Variants in GNA12 observed in about 807,000 individuals in gnomAD.
GNA12 encodes the protein guanine nucleotide-binding protein subunit alpha-12.
Under a neutral mutation model 26.0 loss-of-function variants are expected in GNA12, and 9 were observed. The observed-to-expected ratio is 0.35, with a 90% CI of 0.21 to 0.60. The LOEUF (loss-of-function observed/expected upper bound fraction) is 0.60. Ranked by LOEUF, GNA12 falls within the 20% of genes least tolerant of loss-of-function variation. The pLI is 0.78. For missense variants in GNA12, 405 were observed against 525.8 expected, an observed-to-expected ratio of 0.77 and a Z score of 2.25; for synonymous variants, 264 against 219.6, an observed-to-expected ratio of 1.20 and a Z score of -1.79.
chr7:2,795,128 C>G lies in GNA12; in HGVS notation c.325G>C (p.Val109Leu). The change falls in exon 2 of 4, where the codon GTT becomes CTT. Residue 109 changes from valine to leucine, a missense_variant. Val to Leu is a conservative substitution (Grantham distance 32). Transcript: ENST00000275364. ...ATGCCAAGCTTATCTCGTGCATCAA[C>G]AAGAACCCTTGAGCCCTAGAAAATA... ...DNILKGSRVL[V>L]DARDKLGIPW... is the part of the protein sequence containing the mutation. The G allele has an allele frequency of 3.7e-6, 6 of 1,612,534 alleles. No individual in the cohort carries two copies. Among genetic ancestry groups the G allele is most frequent in the Non-Finnish European group, 5.1e-6 (6 of 1,178,690 alleles).
intron 1 of GNA12, among the ~76,000 whole-genome samples, chr7:2,832,011 C>T (rs539382794): frequency 6.6e-6 from 1 of 152,294 alleles, no homozygotes; most frequent in East Asian, 1.9e-4. Context: ...TAATTTGCAT[C>T]CCGTGGAGTT....
intron 1 of GNA12, among the ~76,000 whole-genome samples, chr7:2,796,589 A>C (rs1044478784): frequency 2.6e-5 from 4 of 152,232 alleles, no homozygotes; most frequent in Admixed American, 6.5e-5. Context: ...ACAGGAAAAG[A>C]CTAAAATACG....
chr7:2,825,390 G>C (rs911208084), intron 1 of GNA12, among the ~76,000 whole-genome samples: 2 of 152,162 alleles, frequency 1.3e-5, no homozygotes, highest in African/African-American at 2.4e-5. Context: ...GCAGGAGAGA[G>C]GGCGGGAAGG....
chr7:2,784,787 T>C (rs7781994), intron 2 of GNA12, among the ~76,000 whole-genome samples: 3,307 of 152,330 alleles, frequency 0.022, 146 homozygotes, highest in African/African-American at 0.076. Flanking sequence ...ACCTTTGTTA[T>C]AGGTTGCAAT....
At chr7:2,755,690 A>G (rs1187836508) in intron 2 of GNA12, among the ~76,000 whole-genome samples, 7 of 152,230 alleles carry the variant, frequency 4.6e-5, no homozygotes, top group Admixed American at 3.9e-4. Flanking sequence ...AGGAACAGTC[A>G]TATTTCTTTT....
At chr7:2,763,217 CACACACACACACA>C in intron 2 of GNA12, 1 of 435,364 alleles carries the variant, frequency 2.3e-6, no homozygotes, top group Non-Finnish European at 3.3e-6. Flanking sequence ...CACACACACA[CACACACACACACA>C]CGGTCTCAAC....
chr7:2,747,866 A>T (rs1003763755), intron 2 of GNA12, among the ~76,000 whole-genome samples: 1 of 152,204 alleles, frequency 6.6e-6, no homozygotes, highest in Non-Finnish European at 1.5e-5. Context: ...TTATACACCA[A>T]TAACAGACAA....
intron 1 of GNA12, among the ~76,000 whole-genome samples, chr7:2,837,398 G>C (rs762840308): frequency 1.3e-5 from 2 of 152,138 alleles, no homozygotes. Context: ...AGAAGGAGAT[G>C]AGAGAGAGGG....
chr7:2,791,151 A>G (rs1792507795), intron 2 of GNA12, among the ~76,000 whole-genome samples: 1 of 152,244 alleles, frequency 6.6e-6, no homozygotes, highest in African/African-American at 2.4e-5. Context: ...GACAGACAAG[A>G]AGATAATATT....
At chr7:2,810,077 A>G (rs952980294) in intron 1 of GNA12, among the ~76,000 whole-genome samples, 8 of 152,236 alleles carry the variant, frequency 5.3e-5, no homozygotes, top group African/African-American at 1.9e-4. Flanking sequence ...TCGCTTAAGA[A>G]GTACGCAGCT....
rs1331258810 is a variant in GNA12 at position 2,728,223 on chromosome 7, GAAC to G, written c.*2955_*2957del. On this transcript the variant is annotated 3_prime_UTR_variant, in exon 4 of 4. Transcript: ENST00000275364. ...ATACACTGTGCAAAGCTTACACCAT[GAAC>G]AACTGACCCGGACCACTACCATTCC... 1.3e-5 allele frequency: 2 copies of G among 152,278 alleles called. No individual in the cohort carries two copies. Among genetic ancestry groups the G allele is most frequent in the Admixed American group, 6.5e-5 (1 of 15,278 alleles). The allele number at this position is 152,278 out of a possible 1,614,324, so 9.4% of individuals were successfully genotyped here.
chr7:2,818,834 C>T (rs1285187818), intron 1 of GNA12, among the ~76,000 whole-genome samples: 3 of 148,764 alleles, frequency 2.0e-5, no homozygotes, highest in South Asian at 2.2e-4. Context: ...CCACAGGTTT[C>T]GCTTGCCGTT....
At chr7:2,755,557 G>C (rs1474411116) in intron 2 of GNA12, among the ~76,000 whole-genome samples, 1 of 152,182 alleles carries the variant, frequency 6.6e-6, no homozygotes, top group Non-Finnish European at 1.5e-5. Flanking sequence ...GTCATTGTTA[G>C]TCTATAGAAG....
At chr7:2,773,988 C>T (rs1490676091) in intron 2 of GNA12, among the ~76,000 whole-genome samples, 4 of 152,138 alleles carry the variant, frequency 2.6e-5, no homozygotes, top group African/African-American at 7.2e-5. Context: ...GAAATGGCGA[C>T]GAGAAGGAGC....
chr7:2,774,499 G>A (rs1386190145), intron 2 of GNA12, among the ~76,000 whole-genome samples: 1 of 152,192 alleles, frequency 6.6e-6, no homozygotes, highest in African/African-American at 2.4e-5. Context: ...GAGGCCCTGA[G>A]TGTGCAGGGA....
intron 2 of GNA12, among the ~76,000 whole-genome samples, chr7:2,788,895 A>T (rs1202443029): frequency 6.6e-6 from 1 of 151,842 alleles, no homozygotes; most frequent in African/African-American, 2.4e-5. Flanking sequence ...ATCTCTGCTC[A>T]CTGCAACCTC....
intron 2 of GNA12, chr7:2,762,829 C>G (rs1476164554): frequency 2.0e-6 from 3 of 1,508,060 alleles, no homozygotes; most frequent in East Asian, 2.6e-5. Flanking sequence ...CGCCACACAC[C>G]CAGTCAGCGC....
intron 1 of GNA12, among the ~76,000 whole-genome samples, chr7:2,811,139 C>G (rs1221492980): frequency 6.6e-6 from 1 of 152,178 alleles, no homozygotes; most frequent in Non-Finnish European, 1.5e-5. Context: ...ACAAGGAACC[C>G]TGGCCCAGAG....
chr7:2,811,702 C>T (rs1332466391), intron 1 of GNA12, among the ~76,000 whole-genome samples: 1 of 152,190 alleles, frequency 6.6e-6, no homozygotes, highest in Non-Finnish European at 1.5e-5. Context: ...CCAATGCTGC[C>T]CAAGGGCTGC....
Sources: gnomAD v4.1 joint callset for allele counts (sites outside exome capture counted in the v4.1 genomes callset) on GRCh38, gnomAD v4.1.1 for gene constraint, MANE v1.5 for transcripts, NCBI Gene and HGNC (gene_info 2026-07-23, HGNC 2026-07-21) for gene names.